The following PARD3B variants were observed in gnomAD, a reference collection of about 807,000 sequenced individuals.
PARD3B encodes par-3 family cell polarity regulator beta.
Under a neutral mutation model 130.2 loss-of-function variants are expected in PARD3B, and 103 were observed. The observed-to-expected ratio is 0.79, with a 90% CI of 0.67 to 0.93. The LOEUF (loss-of-function observed/expected upper bound fraction) is 0.93. PARD3B is among the 40% of genes least tolerant of loss of function. The pLI is 0.00. For synonymous variants in PARD3B, 583 were observed against 553.2 expected, an observed-to-expected ratio of 1.05 and a Z score of -0.76; for missense variants, 1,609 against 1,499.2, an observed-to-expected ratio of 1.07 and a Z score of -1.21.
Position 205,616,244 on chromosome 2 carries a change from G to C in PARD3B, c.*431G>C, listed in dbSNP as rs548367641. The C allele has an allele frequency of 6.0e-6, 1 of 165,646 alleles. No homozygotes were observed. The highest frequency in any genetic ancestry group is 2.4e-5 in the African/African-American group (1 of 41,782). The allele number at this position is 165,646 out of a possible 1,614,324, so 10.3% of individuals were successfully genotyped here. ...TCTGCCAGGCAGCATTACCCGCTCC[G>C]AGGTGGAGCCTCAGCCCCCTTCTTA... On this transcript the variant is annotated 3_prime_UTR_variant, in exon 23 of 23. Coordinates refer to ENST00000406610, the MANE Select transcript of PARD3B (RefSeq NM_001302769.2).
In PARD3B at chr2:204,890,520, A is replaced by G. The variant is rs1053634490; in HGVS notation, c.223-74632A>G. On this transcript the variant is annotated intron_variant, in intron 2 of 22. Coordinates refer to ENST00000406610, the MANE Select transcript of PARD3B (RefSeq NM_001302769.2). The surrounding 1 kb of genome is among the most constrained non-coding windows in gnomAD (Gnocchi z 4.9). ...TTATTGGGTAATTATTTAAAGGAAC[A>G]GTATGTTAATGGATTTTCCTTGTTT... Among the ~76,000 whole-genome samples, 81 of 152,340 alleles carry G rather than the reference A, an allele frequency of 5.3e-4. 3 individuals are homozygous for G. The highest frequency in any genetic ancestry group is 2.2e-4 in the Non-Finnish European group (15 of 68,034).
chr2:205,385,634 TAC>T (rs1368118395), intron 18 of PARD3B, among the ~76,000 whole-genome samples: 1 of 152,100 alleles, frequency 6.6e-6, no homozygotes, highest in Non-Finnish European at 1.5e-5. Flanking sequence ...TAATCTCTTT[TAC>T]ATCAGATAAT....
At position 205,615,969 on chromosome 2, in the gene PARD3B, A is replaced by T. The variant is rs1054897380; in HGVS notation, c.*156A>T. On this transcript the variant is annotated 3_prime_UTR_variant, in exon 23 of 23. Coordinates refer to ENST00000406610, the MANE Select transcript of PARD3B (RefSeq NM_001302769.2). Reference sequence around the variant, plus strand: ...TGTAACGCATGACTGCTAATCAGAGAGAAAAAGAAGGGGAAGGGAATTGGG... The same window carrying T: ...TGTAACGCATGACTGCTAATCAGAGTGAAAAAGAAGGGGAAGGGAATTGGG... 12 of 656,388 alleles carry T rather than the reference A, an allele frequency of 1.8e-5. No homozygotes were observed. Among genetic ancestry groups the T allele is most frequent in the Non-Finnish European group, 3.0e-5 (12 of 399,320 alleles). 40.7% of individuals were successfully genotyped at this position (656,388 alleles called of 1,614,324 possible).
intron 1 of PARD3B, among the ~76,000 whole-genome samples, chr2:204,658,030 T>C (rs1341524325): frequency 6.6e-6 from 1 of 152,200 alleles, no homozygotes; most frequent in African/African-American, 2.4e-5. Flanking sequence ...GACTTAGACA[T>C]GATCTAAGCC....
intron 1 of PARD3B, among the ~76,000 whole-genome samples, chr2:204,548,793 T>C (rs965925306): frequency 6.6e-6 from 1 of 152,180 alleles, no homozygotes; most frequent in East Asian, 1.9e-4. Context: ...GCAAATCAAC[T>C]ATGAAAAATA....
At chr2:205,186,614 A>G (rs1032112662) in intron 14 of PARD3B, among the ~76,000 whole-genome samples, 2 of 152,110 alleles carry the variant, frequency 1.3e-5, no homozygotes, top group African/African-American at 4.8e-5. Context: ...CATTCCTATT[A>G]TGTTTTTTAA....
intron 4 of PARD3B, among the ~76,000 whole-genome samples, chr2:205,054,429 TA>T (rs1326754137): frequency 0.079 from 2,389 of 30,276 alleles, 66 homozygotes; most frequent in East Asian, 0.14. Flanking sequence ...TATATATATA[TA>T]TATATATTTT....
chr2:204,631,610 A>C (rs1486079679), intron 1 of PARD3B, among the ~76,000 whole-genome samples: 1 of 152,214 alleles, frequency 6.6e-6, no homozygotes, highest in Non-Finnish European at 1.5e-5. Context: ...TAGCCCATTT[A>C]CATTTAAGGT....
intron 1 of PARD3B, among the ~76,000 whole-genome samples, chr2:204,683,471 A>G (rs2036934349): frequency 6.6e-6 from 1 of 152,186 alleles, no homozygotes; most frequent in African/African-American, 2.4e-5. Context: ...AAATTTTTAC[A>G]TGCATTAAAG....
At chr2:205,033,463 T>G (rs1449468865) in intron 3 of PARD3B, among the ~76,000 whole-genome samples, 1 of 152,126 alleles carries the variant, frequency 6.6e-6, no homozygotes, top group African/African-American at 2.4e-5. Flanking sequence ...ACTCCCAAAT[T>G]AAGGCTTTCT....
At chr2:205,554,312 C>A (rs2052784200) in intron 22 of PARD3B, among the ~76,000 whole-genome samples, 1 of 152,142 alleles carries the variant, frequency 6.6e-6, no homozygotes, top group South Asian at 2.1e-4. Context: ...GACTGTTTGA[C>A]ATTGTATGTT....
intron 20 of PARD3B, among the ~76,000 whole-genome samples, chr2:205,471,936 A>T (rs942943548): frequency 1.3e-5 from 2 of 152,100 alleles, no homozygotes; most frequent in African/African-American, 4.8e-5. Context: ...AGCATCAGTA[A>T]CCCAGTGATC....
Position 205,568,675 on chromosome 2 carries a change from A to G in PARD3B, c.3260+15272A>G, listed in dbSNP as rs952558479. Among the ~76,000 whole-genome samples, 5 of 152,192 alleles carry G rather than the reference A, an allele frequency of 3.3e-5. No homozygotes were observed. The highest frequency in any genetic ancestry group is 6.5e-5 in the Admixed American group (1 of 15,276). Reference sequence around the variant, plus strand: ...GGTAAAGTTCTACATGGATTTCAACATGTCATCTTTGCTTCAATTATGAAC... The same window carrying G: ...GGTAAAGTTCTACATGGATTTCAACGTGTCATCTTTGCTTCAATTATGAAC... On this transcript the variant is annotated intron_variant, in intron 22 of 22. Transcript: ENST00000406610. This position sits in a 1 kb window ranked among gnomAD's most constrained non-coding sequence, Gnocchi z 5.3.
At chr2:204,875,470 C>A (rs915485882) in intron 2 of PARD3B, among the ~76,000 whole-genome samples, 5 of 152,080 alleles carry the variant, frequency 3.3e-5, no homozygotes, top group African/African-American at 9.7e-5. Flanking sequence ...TTTCAGGTCT[C>A]CTTGATAAAA....
intron 15 of PARD3B, among the ~76,000 whole-genome samples, chr2:205,203,788 T>A (rs557427492): frequency 3.9e-5 from 6 of 152,354 alleles, no homozygotes; most frequent in African/African-American, 9.6e-5. Flanking sequence ...GAACTCATAC[T>A]TTTTTATGGC....
At chr2:205,502,924 G>A in intron 21 of PARD3B, among the ~76,000 whole-genome samples, 1 of 151,880 alleles carries the variant, frequency 6.6e-6, no homozygotes. Flanking sequence ...GTGGCCTGAA[G>A]TCTAAGCTTT....
At chr2:204,874,161 C>A (rs946787047) in intron 2 of PARD3B, among the ~76,000 whole-genome samples, 1 of 152,070 alleles carries the variant, frequency 6.6e-6, no homozygotes, top group Non-Finnish European at 1.5e-5. Flanking sequence ...CAACCACCAC[C>A]ACAACAAAAC....
chr2:204,871,450 A>G (rs978874011), intron 2 of PARD3B, among the ~76,000 whole-genome samples: 1 of 152,128 alleles, frequency 6.6e-6, no homozygotes, highest in Admixed American at 6.6e-5. Context: ...CAGAATTCAG[A>G]ACACTTAGAA....
chr2:205,476,267 A>G (rs985351787), intron 20 of PARD3B, among the ~76,000 whole-genome samples: 2 of 152,174 alleles, frequency 1.3e-5, no homozygotes, highest in East Asian at 3.8e-4. Context: ...CAGACCTCCA[A>G]TTTGTTCATT....
Sources: gnomAD v4.1 joint callset for allele counts (sites outside exome capture counted in the v4.1 genomes callset) on GRCh38, gnomAD v4.1.1 for gene constraint, Gnocchi (gnomAD v3.1) non-coding constraint, MANE v1.5 for transcripts, NCBI Gene and HGNC (gene_info 2026-07-23, HGNC 2026-07-21) for gene names.